RPIA: variants seen among roughly 807,000 people sequenced by gnomAD.
RPIA encodes ribose-5-phosphate isomerase.
In RPIA, 29 loss-of-function variants were observed where a neutral mutation model predicts 37.8. That is an observed-to-expected ratio of 0.77 (90% CI 0.57 to 1.05). The LOEUF (loss-of-function observed/expected upper bound fraction) is 1.05. Among genes scored for constraint, RPIA ranks in the 50% least tolerant of loss-of-function variants. The pLI is 0.00. For synonymous variants in RPIA, 167 were observed against 157.0 expected (o/e 1.06, Z -0.48); for missense variants, 385 against 413.6 (o/e 0.93, Z 0.60).
At position 88,724,316 on chromosome 2, in the gene RPIA, G is replaced by GT. The variant is rs553868828; in HGVS notation, c.403-4954dup. Among the ~76,000 whole-genome samples the GT allele has an allele frequency of 3.8e-3, 569 of 151,574 alleles. 2 individuals carry two copies. The highest frequency in any genetic ancestry group is 0.013 in the African/African-American group (526 of 41,296). Reference sequence around the variant, plus strand: ...CTTTCTTTTTTCTTTGTTTTGTTTTGTTTTTTTTGAGACAGAGTCTCACTC... The same window carrying GT: ...CTTTCTTTTTTCTTTGTTTTGTTTTGTTTTTTTTTGAGACAGAGTCTCACTC... On this transcript the variant is annotated intron_variant, in intron 3 of 8. Transcript: ENST00000283646.
At chr2:88,737,051 T>C (rs1345257994) in intron 7 of RPIA, among the ~76,000 whole-genome samples, 1 of 152,188 alleles carries the variant, frequency 6.6e-6, no homozygotes, top group African/African-American at 2.4e-5. Context: ...TTAGGTTCCA[T>C]GGTGTAACTT....
intron 8 of RPIA, among the ~76,000 whole-genome samples, chr2:88,743,262 T>C (rs1673403778): frequency 6.6e-6 from 1 of 152,208 alleles, no homozygotes; most frequent in Non-Finnish European, 1.5e-5. Flanking sequence ...TGCTGGATTT[T>C]GATAGATGCT....
intron 1 of RPIA, among the ~76,000 whole-genome samples, chr2:88,696,144 G>T (rs1672742491): frequency 6.6e-6 from 1 of 152,160 alleles, no homozygotes; most frequent in Non-Finnish European, 1.5e-5. Context: ...TTCCTAAAAA[G>T]AAGGTTTTAC....
chr2:88,714,982 C>A (rs888200700), intron 3 of RPIA, among the ~76,000 whole-genome samples: 5 of 152,226 alleles, frequency 3.3e-5, no homozygotes, highest in Admixed American at 2.0e-4. Context: ...AGAGGTATAA[C>A]AAGTTTTAAA....
At chr2:88,723,788 G>A (rs1387181484) in intron 3 of RPIA, among the ~76,000 whole-genome samples, 1 of 152,048 alleles carries the variant, frequency 6.6e-6, no homozygotes, top group African/African-American at 2.4e-5. Flanking sequence ...TGCCCAAGGT[G>A]GTCAGAGCAC....
At chr2:88,742,235 G>C (rs1673391210) in intron 8 of RPIA, among the ~76,000 whole-genome samples, 1 of 152,098 alleles carries the variant, frequency 6.6e-6, no homozygotes, top group Non-Finnish European at 1.5e-5. Flanking sequence ...TTTTGTATAA[G>C]AGATGAGAAT....
At position 88,727,073 on chromosome 2, in the gene RPIA, TTGTG is replaced by T. The variant is rs1176540040; in HGVS notation, c.403-2202_403-2199del. 8.7e-5 allele frequency among the ~76,000 whole-genome samples: 13 copies of T among 149,808 alleles called. No individual in the cohort carries two copies. The East Asian group carries it at 2.5e-3, about 29-fold the overall frequency. ...GTGTTAATGATTGGTTTAATATCTC[TTGTG>T]TGCGTGCGTGTGTGTGTGTGCGCGC... is the stretch of plus-strand genomic sequence containing the variant. On this transcript the variant is annotated intron_variant, in intron 3 of 8. Transcript: ENST00000283646.
At chr2:88,736,493 G>A (rs777818287) in intron 6 of RPIA, 42 bp from the exon 7 acceptor site, 4 of 1,612,566 alleles carry the variant, frequency 2.5e-6, no homozygotes, top group Non-Finnish European at 3.4e-6. Context: ...GTACTGTTGA[G>A]CTTATTTACT....
At chr2:88,711,435 T>C (rs1191836564) in intron 3 of RPIA, among the ~76,000 whole-genome samples, 2 of 152,218 alleles carry the variant, frequency 1.3e-5, no homozygotes, top group African/African-American at 2.4e-5. Flanking sequence ...TGACTGGCAA[T>C]TGGTTGAAAT....
intron 8 of RPIA, among the ~76,000 whole-genome samples, chr2:88,741,375 G>A (rs952158287): frequency 6.6e-6 from 1 of 152,172 alleles, no homozygotes; most frequent in Non-Finnish European, 1.5e-5. Context: ...CCAGGTTGCT[G>A]TGAATGCCAT....
intron 8 of RPIA, among the ~76,000 whole-genome samples, chr2:88,739,807 G>A (rs1358068734): frequency 3.3e-5 from 5 of 152,074 alleles, no homozygotes; most frequent in South Asian, 2.1e-4. Context: ...TTATAGAAAC[G>A]GGGTTTCACG....
Position 88,737,972 on chromosome 2 carries a change from T to C in RPIA, c.739-5T>C. On this transcript the variant is annotated splice_region_variant and splice_polypyrimidine_tract_variant and intron_variant, in intron 7 of 8. Coordinates refer to ENST00000283646, the MANE Select transcript of RPIA (RefSeq NM_144563.3). ...CCTTGGTCACTGTGGAAAATTATCT[T>C]CTAGGGTCCTGTGGTGACAGATAAT... The C allele has an allele frequency of 6.2e-7, 1 of 1,610,470 alleles. No homozygotes were observed. Among genetic ancestry groups the C allele is most frequent in the Non-Finnish European group, 8.5e-7 (1 of 1,176,754 alleles).
intron 8 of RPIA, among the ~76,000 whole-genome samples, chr2:88,744,109 TACTCTTTCAG>T (rs1365743170): frequency 6.6e-6 from 1 of 152,202 alleles, no homozygotes; most frequent in African/African-American, 2.4e-5. Flanking sequence ...AGATTATCTG[TACTCTTTCAG>T]AGTTTTTGGT....
chr2:88,716,714 G>T (rs1258541733), intron 3 of RPIA, among the ~76,000 whole-genome samples: 1 of 152,096 alleles, frequency 6.6e-6, no homozygotes, highest in Non-Finnish European at 1.5e-5. Context: ...TTATTTTTGT[G>T]TTAAGTTTAG....
rs112701778 is a variant in RPIA at position 88,723,814 on chromosome 2, G to A, written c.403-5464G>A. Among the ~76,000 whole-genome samples, 565 of 152,198 alleles carry A rather than the reference G, an allele frequency of 3.7e-3. 2 individuals are homozygous for A. Among genetic ancestry groups the A allele is most frequent in the African/African-American group, 0.012 (497 of 41,526 alleles). On this transcript the variant is annotated intron_variant, in intron 3 of 8. Transcript: ENST00000283646. ...GTCAGAGCACAGTTTGGTTTTGTAC[G>A]TTTTAGGGAGACATGAGGTGTTAAT... is the stretch of plus-strand genomic sequence containing the variant.
rs1673493945 is a variant in RPIA, at chr2:88,750,593, C to T, written c.*515C>T. On this transcript the variant is annotated 3_prime_UTR_variant, in exon 9 of 9. Transcript: ENST00000283646. ...TGTGAGCACACATAGTACCTAGTTA[C>T]ATCTTAAGATCAGGTTTATAAAACT... 7.4e-6 allele frequency: 3 copies of T among 407,048 alleles called. No individual in the cohort carries two copies. The highest frequency in any genetic ancestry group is 2.2e-4 in the South Asian group (2 of 9,152). 25.2% of individuals were successfully genotyped at this position (407,048 alleles called of 1,614,324 possible).
At chr2:88,744,081 TC>T (rs1234389989) in intron 8 of RPIA, among the ~76,000 whole-genome samples, 1 of 152,196 alleles carries the variant, frequency 6.6e-6, no homozygotes, top group Non-Finnish European at 1.5e-5. Flanking sequence ...TTTCTCTAGT[TC>T]CTTGAAGTGT....
chr2:88,709,550 C>T (rs368532224), intron 3 of RPIA, among the ~76,000 whole-genome samples: 2 of 152,084 alleles, frequency 1.3e-5, no homozygotes, highest in African/African-American at 4.8e-5. Context: ...TTCTGAGGTC[C>T]CTAGTGAGTG....
chr2:88,720,308 G>A (rs369717665), intron 3 of RPIA, among the ~76,000 whole-genome samples: 11 of 151,946 alleles, frequency 7.2e-5, no homozygotes, highest in South Asian at 4.1e-4. Flanking sequence ...TCCATAAAAC[G>A]TAAAATCTGT....
Sources: gnomAD v4.1 joint callset for allele counts (sites outside exome capture counted in the v4.1 genomes callset) on GRCh38, gnomAD v4.1.1 for gene constraint, MANE v1.5 for transcripts, NCBI Gene and HGNC (gene_info 2026-07-23, HGNC 2026-07-21) for gene names.